Variants in KPNA5 observed in about 807,000 individuals in gnomAD.
The protein encoded by KPNA5 is karyopherin subunit alpha 5, also known as importin subunit alpha-6.
In KPNA5, 46 loss-of-function variants were observed where a neutral mutation model predicts 71.3. The ratio of observed to expected loss-of-function variants is 0.65; its 90% CI spans 0.51 to 0.83. The LOEUF (loss-of-function observed/expected upper bound fraction) is 0.83. KPNA5 is among the 40% of genes least tolerant of loss of function. The pLI is 0.00. For missense variants in KPNA5, 547 were observed against 628.3 expected, an observed-to-expected ratio of 0.87 and a Z score of 1.38; for synonymous variants, 207 against 201.4, an observed-to-expected ratio of 1.03 and a Z score of -0.24.
chr6:116,702,292 T>G, intron 6 of KPNA5, 142 bp downstream of exon 6: 1 of 828,162 alleles, frequency 1.2e-6, no homozygotes, highest in Admixed American at 2.9e-5. Context: ...TGGTGTTAAG[T>G]TAGAAGGGAG....
intron 6 of KPNA5, among the ~76,000 whole-genome samples, chr6:116,704,072 G>A (rs1778341199): frequency 6.6e-6 from 1 of 150,814 alleles, no homozygotes; most frequent in Non-Finnish European, 1.5e-5. Context: ...GAGTCTTGCT[G>A]TGTCACTCAG....
intron 7 of KPNA5, among the ~76,000 whole-genome samples, chr6:116,708,451 G>A (rs1778530082): frequency 1.3e-5 from 2 of 152,098 alleles, no homozygotes; most frequent in Admixed American, 1.3e-4. Context: ...GTGGGTGTAA[G>A]TTGACTTTTT....
chr6:116,729,794 A>ACTTT (rs772148196), intron 13 of KPNA5, 53 bp downstream of exon 13: 97 of 1,148,774 alleles, frequency 8.4e-5, no homozygotes, highest in Non-Finnish European at 1.0e-4. Context: ...TATCTGTCAT[A>ACTTT]CTTTCCCCTT....
chr6:116,702,723 G>A (rs751565711), intron 6 of KPNA5, among the ~76,000 whole-genome samples: 1 of 152,162 alleles, frequency 6.6e-6, no homozygotes. Context: ...AAGTCACAAC[G>A]AATGGCAGAG....
At chr6:116,683,896 C>CTTTTTTTTTT (rs140446065) in intron 1 of KPNA5, among the ~76,000 whole-genome samples, 1 of 59,608 alleles carries the variant, frequency 1.7e-5, no homozygotes, top group Non-Finnish European at 3.6e-5. Context: ...CGTGCCCGGC[C>CTTTTTTTTTT]TTTTTTTTTT....
At chr6:116,693,863 G>T (rs1777910387) in intron 4 of KPNA5, among the ~76,000 whole-genome samples, 1 of 151,802 alleles carries the variant, frequency 6.6e-6, no homozygotes, top group Non-Finnish European at 1.5e-5. Context: ...GGTTTTTATG[G>T]TTTTAGGTCT....
chr6:116,731,550 C>T lies in KPNA5; in HGVS notation c.1433-586C>T, dbSNP rs17078260. Among the ~76,000 whole-genome samples, 598 of 151,502 alleles carry T rather than the reference C, an allele frequency of 3.9e-3. 20 individuals carry two copies. The highest frequency in any genetic ancestry group is 0.036 in the Admixed American group (549 of 15,204). On this transcript the variant is annotated intron_variant, in intron 13 of 13. Transcript: ENST00000368564. The stretch of plus-strand genomic sequence containing the variant: ...AGCTTTTTCTGATAAGCAGTAAAAT[C>T]GATTGCTATAGATTCTTCTCATCTT...
intron 1 of KPNA5, among the ~76,000 whole-genome samples, chr6:116,681,830 T>A (rs1266510213): frequency 6.6e-6 from 1 of 152,032 alleles, no homozygotes; most frequent in Non-Finnish European, 1.5e-5. Flanking sequence ...TAGTGCTCAT[T>A]CCCGACGACA....
intron 12 of KPNA5, among the ~76,000 whole-genome samples, chr6:116,728,069 G>T (rs1779348254): frequency 6.6e-6 from 1 of 151,888 alleles, no homozygotes; most frequent in African/African-American, 2.4e-5. Flanking sequence ...AATTTGTATA[G>T]CTGTATATTG....
intron 6 of KPNA5, among the ~76,000 whole-genome samples, chr6:116,702,712 A>G (rs1023341327): frequency 4.6e-5 from 7 of 152,196 alleles, no homozygotes; most frequent in Non-Finnish European, 7.3e-5. Context: ...TAACTTACCT[A>G]AAGTCACAAC....
rs1047670909 is a variant in KPNA5 at position 116,739,842 on chromosome 6, T to C, written c.*7519T>C. The C allele has an allele frequency of 4.0e-5, 6 of 151,680 alleles. No homozygotes were observed. The highest frequency in any genetic ancestry group is 3.9e-4 in the East Asian group (2 of 5,172). The allele number at this position is 151,680 out of a possible 1,614,324, so 9.4% of individuals were successfully genotyped here. ...CCTTCCTTACACCTTATACAAAAAT[T>C]AATTCAAGATGGATTAAAGACTTAA... On this transcript the variant is annotated 3_prime_UTR_variant, in exon 14 of 14. Coordinates refer to ENST00000368564, the MANE Select transcript of KPNA5 (RefSeq NM_001366306.2).
intron 2 of KPNA5, among the ~76,000 whole-genome samples, chr6:116,690,928 G>T (rs1471579464): frequency 6.6e-6 from 1 of 152,052 alleles, no homozygotes; most frequent in South Asian, 2.1e-4. Context: ...ATACTGTGTT[G>T]TTTTAAAATA....
At chr6:116,692,983 G>A (rs1777864680) in intron 4 of KPNA5, among the ~76,000 whole-genome samples, 1 of 152,118 alleles carries the variant, frequency 6.6e-6, no homozygotes, top group African/African-American at 2.4e-5. Context: ...AGAACATGCG[G>A]TGTTTGGTTT....
At chr6:116,693,250 C>T (rs1777880208) in intron 4 of KPNA5, among the ~76,000 whole-genome samples, 1 of 152,160 alleles carries the variant, frequency 6.6e-6, no homozygotes, top group African/African-American at 2.4e-5. Flanking sequence ...GGTATATACC[C>T]AGTAATAGGA....
At chr6:116,727,661 A>G (rs1779338040) in intron 12 of KPNA5, among the ~76,000 whole-genome samples, 2 of 152,090 alleles carry the variant, frequency 1.3e-5, no homozygotes, top group Admixed American at 1.3e-4. Context: ...AGTGAAATTT[A>G]TGTCTTTGAA....
In KPNA5 at chr6:116,735,959, A is replaced by C. The variant is rs1779655425; in HGVS notation, c.*3636A>C. The C allele has an allele frequency of 6.6e-6, 1 of 151,762 alleles. No individual in the cohort carries two copies. The highest frequency in any genetic ancestry group is 2.4e-5 in the African/African-American group (1 of 41,430). 9.4% of individuals were successfully genotyped at this position (151,762 alleles called of 1,614,324 possible). A position where few individuals can be genotyped will look rare whatever the true frequency, so the allele number is the denominator to read the frequency against. ...AAGGCCGTATTTTGCCTCTAAGAAA[A>C]TGTTTTCAAGAAGCAAATTGGTGAA... On this transcript the variant is annotated 3_prime_UTR_variant, in exon 14 of 14. Coordinates refer to ENST00000368564, the MANE Select transcript of KPNA5 (RefSeq NM_001366306.2).
intron 2 of KPNA5, 32 bp downstream of exon 2, chr6:116,689,485 T>G: frequency 6.7e-7 from 1 of 1,490,278 alleles, no homozygotes; most frequent in Non-Finnish European, 9.0e-7. Context: ...ATTTTGTTTT[T>G]TAAAATTTTA....
chr6:116,716,192 A>C (rs748672860), intron 7 of KPNA5, 27 bp from the exon 8 acceptor site: 1 of 1,528,756 alleles, frequency 6.5e-7, no homozygotes, highest in South Asian at 1.2e-5. Flanking sequence ...GTAAGGTGAT[A>C]ATTCTTTTTT....
chr6:116,711,740 G>A (rs548529346), intron 7 of KPNA5, among the ~76,000 whole-genome samples: 1 of 152,290 alleles, frequency 6.6e-6, no homozygotes, highest in South Asian at 2.1e-4. Context: ...GTCTCCCAAA[G>A]CCTCCTGAGT....
Sources: gnomAD v4.1 joint callset for allele counts (sites outside exome capture counted in the v4.1 genomes callset) on GRCh38, gnomAD v4.1.1 for gene constraint, MANE v1.5 for transcripts, NCBI Gene and HGNC (gene_info 2026-07-23, HGNC 2026-07-21) for gene names.